Variants in CHRM3 observed in about 807,000 individuals in gnomAD.
CHRM3 encodes the protein muscarinic acetylcholine receptor M3.
In CHRM3, 11 loss-of-function variants were observed where a neutral mutation model predicts 41.8. The ratio of observed to expected loss-of-function variants is 0.26; its 90% CI spans 0.17 to 0.44. CHRM3 has a LOEUF of 0.44. CHRM3 is among the 20% of genes least tolerant of loss of function. The probability of loss-of-function intolerance (pLI) is 1.00; values close to 1 mark genes in which losing one functional copy is unlikely to be tolerated. For synonymous variants in CHRM3, 297 were observed against 301.4 expected (o/e 0.99, Z 0.15); for missense variants, 571 against 745.4 (o/e 0.77, Z 2.72).
At chr1:239,787,715 C>T (rs932238544) in intron 5 of CHRM3, among the ~76,000 whole-genome samples, 1 of 152,112 alleles carries the variant, frequency 6.6e-6, no homozygotes, top group Admixed American at 6.5e-5. Context: ...GTGAGAATCA[C>T]CACAACTAAG....
intron 6 of CHRM3, among the ~76,000 whole-genome samples, chr1:239,864,098 A>G (rs1253031831): frequency 6.7e-6 from 1 of 150,114 alleles, no homozygotes; most frequent in African/African-American, 2.4e-5. Flanking sequence ...AAAAAAACTC[A>G]GTTGGGTGAG....
intron 5 of CHRM3, among the ~76,000 whole-genome samples, chr1:239,810,654 A>T (rs1307014561): frequency 6.6e-6 from 1 of 152,260 alleles, no homozygotes; most frequent in Non-Finnish European, 1.5e-5. Context: ...GACAAATGTT[A>T]AATTCAGAGT....
At chr1:239,858,486 G>A (rs961474952) in intron 6 of CHRM3, among the ~76,000 whole-genome samples, 2 of 145,168 alleles carry the variant, frequency 1.4e-5, no homozygotes, top group Admixed American at 7.0e-5. Flanking sequence ...TGAAGCAAGT[G>A]TCTTAACCTT....
chr1:239,596,377 G>A (rs775228121), intron 3 of CHRM3, among the ~76,000 whole-genome samples: 2 of 152,118 alleles, frequency 1.3e-5, no homozygotes, highest in Non-Finnish European at 2.9e-5. Flanking sequence ...AAGGAGAGCT[G>A]CAAGTACAAA....
intron 1 of CHRM3, among the ~76,000 whole-genome samples, chr1:239,446,672 G>A (rs1019661667): frequency 6.6e-6 from 1 of 152,132 alleles, no homozygotes; most frequent in Non-Finnish European, 1.5e-5. Flanking sequence ...GCAATCTGTT[G>A]AAAAAACAAC....
chr1:239,564,985 C>A (rs952152596), intron 3 of CHRM3, among the ~76,000 whole-genome samples: 3 of 152,132 alleles, frequency 2.0e-5, no homozygotes, highest in African/African-American at 7.2e-5. Context: ...AGGGGAGAAT[C>A]CTTTCCTTGC....
chr1:239,617,846 A>G (rs1667799237), intron 3 of CHRM3, among the ~76,000 whole-genome samples: 2 of 152,190 alleles, frequency 1.3e-5, no homozygotes, highest in Admixed American at 6.5e-5. Context: ...ACACATGCTC[A>G]CAAGTGATGA....
chr1:239,512,634 C>T (rs1419224344), intron 2 of CHRM3, among the ~76,000 whole-genome samples: 10 of 151,654 alleles, frequency 6.6e-5, no homozygotes, highest in Admixed American at 4.6e-4. Context: ...CTTTTTCTTC[C>T]TCCTCCCTCT....
intron 3 of CHRM3, among the ~76,000 whole-genome samples, chr1:239,563,231 A>G (rs1277997772): frequency 6.6e-6 from 1 of 151,798 alleles, no homozygotes; most frequent in Non-Finnish European, 1.5e-5. Context: ...CCAGGTGCAC[A>G]TTTTTTTCTC....
At chr1:239,725,283 C>T (rs1490657497) in intron 5 of CHRM3, among the ~76,000 whole-genome samples, 1 of 151,876 alleles carries the variant, frequency 6.6e-6, no homozygotes, top group Non-Finnish European at 1.5e-5. Context: ...ACATAAATAC[C>T]TGTAATTGGT....
intron 5 of CHRM3, among the ~76,000 whole-genome samples, chr1:239,766,860 C>G (rs144375179): frequency 6.6e-6 from 1 of 151,992 alleles, no homozygotes; most frequent in African/African-American, 2.4e-5. Flanking sequence ...TACAGGCACA[C>G]GCCACCATGC....
intron 2 of CHRM3, among the ~76,000 whole-genome samples, chr1:239,518,584 A>G (rs1462119758): frequency 1.3e-5 from 2 of 152,066 alleles, no homozygotes; most frequent in Non-Finnish European, 2.9e-5. Context: ...AATTTTTCAC[A>G]CTCCACAGTT....
chr1:239,656,823 CTTTGT>C (rs1231499413), intron 4 of CHRM3, among the ~76,000 whole-genome samples: 3 of 151,870 alleles, frequency 2.0e-5, no homozygotes, highest in African/African-American at 7.3e-5. Context: ...TTTATAGTTT[CTTTGT>C]TTTATTTCCA....
chr1:239,607,080 AT>A (rs199839027), intron 3 of CHRM3, among the ~76,000 whole-genome samples: 3,302 of 152,126 alleles, frequency 0.022, 43 homozygotes, highest in Non-Finnish European at 0.034. Context: ...AAAACGTGTG[AT>A]TTTTTTTGTT....
intron 1 of CHRM3, among the ~76,000 whole-genome samples, chr1:239,430,575 C>G (rs769625956): frequency 2.6e-5 from 4 of 151,952 alleles, no homozygotes; most frequent in African/African-American, 4.8e-5. Flanking sequence ...ACTGGCTAAA[C>G]AGTAAACTTG....
intron 5 of CHRM3, among the ~76,000 whole-genome samples, chr1:239,719,822 A>G (rs1051823154): frequency 6.6e-6 from 1 of 151,954 alleles, no homozygotes; most frequent in Admixed American, 6.6e-5. Flanking sequence ...TGAAGCAACT[A>G]TGTCCTTCAA....
At chr1:239,780,741 A>G (rs1668451308) in intron 5 of CHRM3, among the ~76,000 whole-genome samples, 1 of 151,972 alleles carries the variant, frequency 6.6e-6, no homozygotes, top group Non-Finnish European at 1.5e-5. Context: ...TTATAATTTT[A>G]TATTTTACAT....
intron 6 of CHRM3, among the ~76,000 whole-genome samples, chr1:239,852,795 G>A (rs1161671154): frequency 5.3e-5 from 8 of 152,142 alleles, no homozygotes; most frequent in Non-Finnish European, 1.2e-4. Flanking sequence ...ATATTTTCAT[G>A]AGATTAATTT....
rs201501580 is a variant in CHRM3 at position 239,908,696 on chromosome 1, C to T, written c.1245C>T (p.Asp415=). 5.2e-5 allele frequency: 84 copies of T among 1,612,712 alleles called. No individual in the cohort carries two copies. The highest frequency in any genetic ancestry group is 5.5e-5 in the South Asian group (5 of 90,762). ...AGCTGCAGGCCCAGAAGAGCGTGGACGATGGAGGCAGTTTTCCAAAAAGCT... is the reference window on the plus strand; with the variant it reads ...AGCTGCAGGCCCAGAAGAGCGTGGATGATGGAGGCAGTTTTCCAAAAAGCT... The part of the protein sequence containing the change: ...ADKLQAQKSV[D]DGGSFPKSFS... Residue 415 remains aspartate (D), a synonymous_variant, in exon 7 of 7, where the codon GAC becomes GAT. Coordinates refer to ENST00000676153, the MANE Select transcript of CHRM3 (RefSeq NM_001375978.1). This position sits in a 1 kb window ranked among gnomAD's most constrained non-coding sequence, Gnocchi z 7.2.
Sources: gnomAD v4.1 joint callset for allele counts (sites outside exome capture counted in the v4.1 genomes callset) on GRCh38, gnomAD v4.1.1 for gene constraint, Gnocchi (gnomAD v3.1) non-coding constraint, MANE v1.5 for transcripts, NCBI Gene and HGNC (gene_info 2026-07-23, HGNC 2026-07-21) for gene names.